CLUAP1: variants seen among roughly 807,000 people sequenced by gnomAD.
CLUAP1 encodes the protein clusterin-associated protein 1.
Under a neutral mutation model 55.0 loss-of-function variants are expected in CLUAP1, and 50 were observed. That is an observed-to-expected ratio of 0.91 (90% confidence interval 0.72 to 1.15). CLUAP1 has a LOEUF of 1.15. CLUAP1 is among the 50% of genes most tolerant of loss of function. The pLI is 0.00. For missense variants in CLUAP1, 530 were observed against 507.6 expected (o/e 1.04, Z -0.42); for synonymous variants, 195 against 175.4 (o/e 1.11, Z -0.88).
chr16:3,496,321 T>C (rs368031161), upstream of CLUAP1: 8 of 1,097,660 alleles, frequency 7.3e-6, no homozygotes, highest in South Asian at 4.9e-5. Context: ...CCAGACGAAC[T>C]AACTCCACAT....
At chr16:3,511,198 G>C (rs1267175737) in intron 4 of CLUAP1, among the ~76,000 whole-genome samples, 1 of 152,206 alleles carries the variant, frequency 6.6e-6, no homozygotes, top group African/African-American at 2.4e-5. Context: ...CAAATGAAGA[G>C]GGAGAGTTGT....
chr16:3,529,609 T>A (rs1208140573), intron 9 of CLUAP1, among the ~76,000 whole-genome samples: 1 of 38,430 alleles, frequency 2.6e-5, no homozygotes, highest in Non-Finnish European at 4.0e-5. Context: ...ATATTATATA[T>A]TATATAATAT....
intron 9 of CLUAP1, among the ~76,000 whole-genome samples, chr16:3,528,451 A>T (rs917249588): frequency 1.3e-5 from 2 of 152,206 alleles, no homozygotes; most frequent in Admixed American, 6.5e-5. Flanking sequence ...TCCTCCAGGA[A>T]CAAGGTTAGG....
chr16:3,504,010 A>T (rs1027447653), intron 1 of CLUAP1, among the ~76,000 whole-genome samples: 12 of 152,184 alleles, frequency 7.9e-5, no homozygotes, highest in African/African-American at 2.9e-4. Flanking sequence ...TGGGAACTCA[A>T]CAAATGTTTG....
intron 10 of CLUAP1, among the ~76,000 whole-genome samples, chr16:3,532,058 C>T (rs2038131834): frequency 6.6e-6 from 1 of 152,052 alleles, no homozygotes; most frequent in South Asian, 2.1e-4. Flanking sequence ...AGGCTGGTCT[C>T]GAACTCCCAA....
chr16:3,515,529 G>A lies in CLUAP1; in HGVS notation c.517G>A (p.Ala173Thr). 1 of 1,598,816 alleles carries A rather than the reference G, an allele frequency of 6.3e-7. No homozygotes were observed. The highest frequency in any genetic ancestry group is 8.5e-7 in the Non-Finnish European group (1 of 1,175,346). ...CTAGGAAATGAGAACAGAAGCCATT[G>A]CCAGACCTCTGGAAATAAACGAGAC... Reference protein sequence around the residue: ...ELREMRTEAIARPLEINETEK... With the variant: ...ELREMRTEAITRPLEINETEK... The change falls in exon 6 of 12, where the codon GCC becomes ACC. Residue 173 changes from alanine to threonine, a missense_variant. Transcript: ENST00000576634.
intron 4 of CLUAP1, 73 bp downstream of exon 4, chr16:3,508,541 C>T: frequency 1.5e-6 from 2 of 1,341,028 alleles, no homozygotes; most frequent in Non-Finnish European, 9.9e-7. Context: ...AAGGAGTCTG[C>T]TACAGCTCCG....
At chr16:3,525,087 A>T (rs2037915824) in intron 8 of CLUAP1, among the ~76,000 whole-genome samples, 1 of 152,228 alleles carries the variant, frequency 6.6e-6, no homozygotes, top group Non-Finnish European at 1.5e-5. Flanking sequence ...GTGTGGACAC[A>T]TGTCATCTTG....
At position 3,526,431 on chromosome 16, in the gene CLUAP1, G is replaced by A; in HGVS notation, c.875G>A (p.Cys292Tyr). 6.2e-7 allele frequency: 1 copy of A among 1,607,770 alleles called. No individual in the cohort carries two copies. The highest frequency in any genetic ancestry group is 8.5e-7 in the Non-Finnish European group (1 of 1,178,302). The change falls in exon 9 of 12, where the codon TGC (cysteine) becomes TAC (tyrosine). Residue 292 changes from cysteine (C) to tyrosine (Y), a missense_variant. Transcript: ENST00000576634. ...ERFEEAKNTL[C>Y]LIQNKLKEEE... Reference sequence around the variant, plus strand: ...CCACAGGAAGCTAAAAACACTCTCTGCCTGATACAGAACAAGCTCAAGGAG... The same window carrying A: ...CCACAGGAAGCTAAAAACACTCTCTACCTGATACAGAACAAGCTCAAGGAG...
upstream of CLUAP1, among the ~76,000 whole-genome samples, chr16:3,499,345 C>CA (rs376996575): frequency 1.4e-4 from 21 of 148,990 alleles, no homozygotes; most frequent in East Asian, 2.3e-3. Context: ...GAGTCCATCT[C>CA]AAAAAAAAAA....
chr16:3,503,705 C>G (rs1208631997), intron 1 of CLUAP1, among the ~76,000 whole-genome samples: 1 of 152,204 alleles, frequency 6.6e-6, no homozygotes, highest in Non-Finnish European at 1.5e-5. Context: ...ATCGTCCCAC[C>G]TCAGCCTGCT....
upstream of CLUAP1, chr16:3,496,401 T>G (rs530870323): frequency 2.1e-5 from 24 of 1,142,110 alleles, no homozygotes; most frequent in South Asian, 2.9e-4. Context: ...GTTTCCCGGA[T>G]GATCCGGAAG....
At chr16:3,532,871 G>C in intron 11 of CLUAP1, 30 bp downstream of exon 11, 2 of 1,612,022 alleles carry the variant, frequency 1.2e-6, no homozygotes, top group African/African-American at 1.3e-5. Context: ...CAGTGGTTCT[G>C]TGCACTCTGG....
chr16:3,529,794 TTATATTATTATATATATATTATAATATAA>T (rs2038069038), intron 9 of CLUAP1, among the ~76,000 whole-genome samples: 3 of 62,916 alleles, frequency 4.8e-5, no homozygotes, highest in Non-Finnish European at 8.1e-5. Context: ...ATAATATATA[TTATATTATTATATATATATTATAATATAA>T]TATATTATAT....
At chr16:3,527,522 G>A (rs1221653609) in intron 9 of CLUAP1, among the ~76,000 whole-genome samples, 1 of 152,050 alleles carries the variant, frequency 6.6e-6, no homozygotes, top group East Asian at 1.9e-4. Flanking sequence ...CTGCTACTTA[G>A]CAGACCAGGA....
Position 3,501,009 on chromosome 16 carries a change from G to A in CLUAP1, c.-59G>A. ...TGCCATAGAGATCGTCGAGCGCTGG[G>A]CCTGTGATCGCTGAGGGGCGAGCAG... On this transcript the variant is annotated 5_prime_UTR_variant, in exon 1 of 12. Transcript: ENST00000576634. The A allele has an allele frequency of 6.4e-7, 1 of 1,558,638 alleles. No individual in the cohort carries two copies. Among genetic ancestry groups the A allele is most frequent in the Non-Finnish European group, 8.7e-7 (1 of 1,147,742 alleles).
chr16:3,505,637 A>T (rs1030346771), intron 2 of CLUAP1, among the ~76,000 whole-genome samples: 1 of 151,926 alleles, frequency 6.6e-6, no homozygotes, highest in African/African-American at 2.4e-5. Context: ...GGAGACGACT[A>T]TTCCTCAGTA....
chr16:3,527,964 A>G (rs1254435308), intron 9 of CLUAP1, among the ~76,000 whole-genome samples: 1 of 152,136 alleles, frequency 6.6e-6, no homozygotes, highest in Non-Finnish European at 1.5e-5. Context: ...ATTCAGGGCC[A>G]CTATCAGTCT....
At chr16:3,530,474 C>A (rs993729382) in intron 9 of CLUAP1, 94 bp from the exon 10 acceptor site, 26 of 817,876 alleles carry the variant, frequency 3.2e-5, no homozygotes, top group Non-Finnish European at 5.2e-5. Flanking sequence ...AAGAAATGAA[C>A]AAATGACTTT....
Sources: allele counts gnomAD v4.1 joint callset (sites outside exome capture counted in the v4.1 genomes callset), GRCh38; gene constraint gnomAD v4.1.1; transcripts MANE v1.5; gene names NCBI Gene and HGNC (gene_info 2026-07-23, HGNC 2026-07-21).